Variants in FOXP1 observed in about 807,000 individuals in gnomAD.
FOXP1 encodes forkhead box protein P1.
In FOXP1, 15 loss-of-function variants were observed where a neutral mutation model predicts 98.2. That is an observed-to-expected ratio of 0.15 (90% CI 0.10 to 0.24). FOXP1 has a LOEUF of 0.24. FOXP1 is among the 10% of genes least tolerant of loss of function. The pLI is 1.00. For missense variants in FOXP1, 633 were observed against 848.5 expected, an observed-to-expected ratio of 0.75 and a Z score of 3.15; for synonymous variants, 371 against 314.5, an observed-to-expected ratio of 1.18 and a Z score of -1.90.
chr3:71,252,421 T>G (rs1470755378), intron 5 of FOXP1, among the ~76,000 whole-genome samples: 1 of 152,116 alleles, frequency 6.6e-6, no homozygotes, highest in African/African-American at 2.4e-5. Flanking sequence ...TATCCCAAAT[T>G]CCAAGAAAGA....
chr3:71,380,111 T>C (rs1049422007), intron 3 of FOXP1, among the ~76,000 whole-genome samples: 8 of 151,920 alleles, frequency 5.3e-5, no homozygotes, highest in Non-Finnish European at 4.4e-5. Context: ...ACCAAAAAGA[T>C]GGGGGCGGGC....
intron 7 of FOXP1, among the ~76,000 whole-genome samples, chr3:71,100,093 G>A (rs1250575579): frequency 1.3e-5 from 2 of 152,184 alleles, no homozygotes; most frequent in Non-Finnish European, 2.9e-5. Context: ...TAGGTCTATG[G>A]CAAGCTTGGC....
intron 7 of FOXP1, among the ~76,000 whole-genome samples, chr3:71,064,640 C>T (rs912582861): frequency 1.1e-4 from 17 of 152,128 alleles, no homozygotes; most frequent in African/African-American, 4.1e-4. Flanking sequence ...CTCCCCGCCT[C>T]CACTTCCAGA....
chr3:71,270,959 G>A (rs2070290559), intron 5 of FOXP1, among the ~76,000 whole-genome samples: 2 of 152,232 alleles, frequency 1.3e-5, no homozygotes, highest in Non-Finnish European at 2.9e-5. Context: ...AGCTGGGTGT[G>A]GTGGCTCACG....
intron 18 of FOXP1, chr3:70,972,028 A>C: frequency 6.9e-7 from 1 of 1,447,548 alleles, no homozygotes; most frequent in South Asian, 1.5e-5. Context: ...CAAGCTCGTC[A>C]AAGTTTTCAT....
rs1406823288 is a variant in FOXP1 at position 71,581,562 on chromosome 3, G to A, written c.-311C>T. The A allele has an allele frequency of 1.0e-6, 1 of 985,310 alleles. No homozygotes were observed. The highest frequency in any genetic ancestry group is 6.1e-5 in the Admixed American group (1 of 16,262). 61.0% of individuals were successfully genotyped at this position (985,310 alleles called of 1,614,324 possible). On this transcript the variant is annotated 5_prime_UTR_variant, in exon 2 of 21. Transcript: ENST00000649528. The stretch of plus-strand genomic sequence containing the variant: ...GCCTCGACTTACCCGCGGAGTCCGG[G>A]GAGGGAGTAGGAGCGCCGCCTTCAC...
chr3:71,560,508 G>A (rs547555500), intron 2 of FOXP1, among the ~76,000 whole-genome samples: 6 of 152,272 alleles, frequency 3.9e-5, no homozygotes, highest in African/African-American at 1.4e-4. Flanking sequence ...TTCCTCTAAA[G>A]GTTAAACATA....
At chr3:71,495,486 G>A (rs1195054707) in intron 2 of FOXP1, among the ~76,000 whole-genome samples, 1 of 152,174 alleles carries the variant, frequency 6.6e-6, no homozygotes, top group Non-Finnish European at 1.5e-5. Context: ...TATCTTTTGA[G>A]TGAATAAATG....
intron 13 of FOXP1, among the ~76,000 whole-genome samples, chr3:70,996,620 G>A (rs2041405159): frequency 1.3e-5 from 2 of 152,320 alleles, no homozygotes; most frequent in Admixed American, 1.3e-4. Context: ...TTAGATTCAA[G>A]GAGGCTGTCT....
chr3:71,277,053 G>A (rs1056022508), intron 5 of FOXP1, among the ~76,000 whole-genome samples: 1 of 150,778 alleles, frequency 6.6e-6, no homozygotes, highest in Non-Finnish European at 1.5e-5. Flanking sequence ...TCCCCTCCCG[G>A]ATTCACGCCA....
intron 3 of FOXP1, among the ~76,000 whole-genome samples, chr3:71,380,173 C>T (rs1324750157): frequency 1.3e-5 from 2 of 152,134 alleles, no homozygotes; most frequent in African/African-American, 4.8e-5. Context: ...ATAAGACTTC[C>T]AGATGTAGCA....
At chr3:71,578,853 AT>A (rs2047925276) in intron 2 of FOXP1, among the ~76,000 whole-genome samples, 1 of 152,236 alleles carries the variant, frequency 6.6e-6, no homozygotes, top group African/African-American at 2.4e-5. Context: ...TAGGCTCAAT[AT>A]TAACTCAGTT....
At chr3:71,301,818 T>TC (rs1256894163) in intron 4 of FOXP1, among the ~76,000 whole-genome samples, 1 of 152,200 alleles carries the variant, frequency 6.6e-6, no homozygotes, top group Admixed American at 6.5e-5. Context: ...GACCTGTTTT[T>TC]CTACTCACCT....
intron 12 of FOXP1, among the ~76,000 whole-genome samples, chr3:71,011,303 A>G (rs1279893330): frequency 1.3e-5 from 2 of 152,148 alleles, no homozygotes; most frequent in African/African-American, 2.4e-5. Flanking sequence ...GCAGCATGTA[A>G]TGCAAGCCAG....
intron 7 of FOXP1, among the ~76,000 whole-genome samples, chr3:71,108,406 C>T (rs1471284953): frequency 6.6e-6 from 1 of 152,202 alleles, no homozygotes; most frequent in Non-Finnish European, 1.5e-5. Context: ...GTTATGAGTA[C>T]ACCTGCACTG....
At chr3:71,565,026 G>C (rs1350538109) in intron 2 of FOXP1, among the ~76,000 whole-genome samples, 1 of 152,118 alleles carries the variant, frequency 6.6e-6, no homozygotes, top group African/African-American at 2.4e-5. Flanking sequence ...CTTGAACCCG[G>C]GAGGCGAGGT....
At chr3:70,980,814 C>A (rs2038701855) in intron 14 of FOXP1, among the ~76,000 whole-genome samples, 1 of 152,216 alleles carries the variant, frequency 6.6e-6, no homozygotes, top group Admixed American at 6.5e-5. Flanking sequence ...CCATCAAACA[C>A]ATACGTCAGT....
intron 5 of FOXP1, among the ~76,000 whole-genome samples, chr3:71,269,436 GTT>G (rs200733706): frequency 0.033 from 5,076 of 152,142 alleles, 284 homozygotes; most frequent in African/African-American, 0.12. Flanking sequence ...TTTTCAAAAT[GTT>G]AGGCCCAAGA....
chr3:71,553,594 C>A (rs1034185418), intron 2 of FOXP1, among the ~76,000 whole-genome samples: 1 of 152,124 alleles, frequency 6.6e-6, no homozygotes, highest in East Asian at 1.9e-4. Context: ...TTACCAACAA[C>A]TGAAATTTGC....
Sources: allele counts gnomAD v4.1 joint callset (sites outside exome capture counted in the v4.1 genomes callset), GRCh38; gene constraint gnomAD v4.1.1; transcripts MANE v1.5; gene names NCBI Gene and HGNC (gene_info 2026-07-23, HGNC 2026-07-21).